Variants in SH3BP5 observed in about 807,000 individuals in gnomAD.
The protein encoded by SH3BP5 is SH3 domain binding protein 5, also known as SH3 domain-binding protein 5.
A neutral mutation model predicts 43.3 loss-of-function variants in SH3BP5; 22 were observed. The observed-to-expected ratio is 0.51, with a 90% CI of 0.36 to 0.73. The LOEUF (loss-of-function observed/expected upper bound fraction) is 0.73, where lower values mean the gene tolerates loss of function less well. Ranked by LOEUF, SH3BP5 falls within the 30% of genes least tolerant of loss-of-function variation. SH3BP5 has a pLI of 0.00. For missense variants in SH3BP5, 529 were observed against 586.9 expected, an observed-to-expected ratio of 0.90 and a Z score of 1.02; for synonymous variants, 255 against 225.8, an observed-to-expected ratio of 1.13 and a Z score of -1.16.
intron 2 of SH3BP5, 80 bp from the exon 3 acceptor site, chr3:15,304,311 C>T (rs1156483158): frequency 2.5e-6 from 4 of 1,607,816 alleles, no homozygotes; most frequent in Non-Finnish European, 3.4e-6. Flanking sequence ...TAGACAGAAA[C>T]ATCAACAAAG....
chr3:15,317,423 G>C (rs1189269941), intron 2 of SH3BP5, among the ~76,000 whole-genome samples: 2 of 152,124 alleles, frequency 1.3e-5, no homozygotes, highest in Non-Finnish European at 2.9e-5. Context: ...GGAGAGCACA[G>C]GATGCAAAAG....
rs10522979 is a variant in SH3BP5, at chr3:15,294,290, A to AGTGT, written c.330+9809_330+9812dup. Among the ~76,000 whole-genome samples, 1,190 of 138,178 alleles carry AGTGT rather than the reference A, an allele frequency of 8.6e-3. 24 individuals are homozygous for AGTGT. Among genetic ancestry groups the AGTGT allele is most frequent in the East Asian group, 0.038 (175 of 4,550 alleles). The allele number at this position is 138,178 out of a possible 152,430, so 90.7% of individuals were successfully genotyped here. On this transcript the variant is annotated intron_variant, in intron 3 of 8. Coordinates refer to ENST00000383791, the MANE Select transcript of SH3BP5 (RefSeq NM_004844.5). ...CCCAGTTTCTTCTTCTGCAAAAGTA[A>AGTGT]GTGTGTGTGTGTGTGTGTGTGTGTG...
intron 2 of SH3BP5, among the ~76,000 whole-genome samples, chr3:15,307,144 C>G (rs547212601): frequency 6.6e-6 from 1 of 152,180 alleles, no homozygotes; most frequent in African/African-American, 2.4e-5. Context: ...GGGAGCACCT[C>G]AGCTCCCGAG....
rs1376629389 is a variant in SH3BP5, at chr3:15,254,425, G to C, written c.*1661C>G. 1 of 152,128 alleles carries C rather than the reference G, an allele frequency of 6.6e-6. No individual in the cohort carries two copies. The highest frequency in any genetic ancestry group is 2.4e-5 in the African/African-American group (1 of 41,418). 9.4% of individuals were successfully genotyped at this position (152,128 alleles called of 1,614,324 possible). On this transcript the variant is annotated 3_prime_UTR_variant, in exon 9 of 9. Transcript: ENST00000383791. ...AATATTATAAAACATTTCCACAAAA[G>C]AAAGAATCCATCTGATTCTCAACTC...
chr3:15,331,976 T>C (rs1698621635), intron 1 of SH3BP5: 10 of 340,986 alleles, frequency 2.9e-5, no homozygotes, highest in Admixed American at 5.1e-5. Flanking sequence ...CGCCCCCTTT[T>C]TCCCTTTGTT....
intron 3 of SH3BP5, among the ~76,000 whole-genome samples, chr3:15,277,852 A>C (rs1457665929): frequency 6.6e-6 from 1 of 152,166 alleles, no homozygotes; most frequent in Non-Finnish European, 1.5e-5. Context: ...GGAGCAAAAG[A>C]AGCTTCCAGA....
At chr3:15,279,272 T>C (rs1697055777) in intron 3 of SH3BP5, among the ~76,000 whole-genome samples, 1 of 152,184 alleles carries the variant, frequency 6.6e-6, no homozygotes, top group African/African-American at 2.4e-5. Context: ...TCTGAGCCAT[T>C]ATCAGTTTAA....
chr3:15,293,349 C>G (rs960009470), intron 3 of SH3BP5, among the ~76,000 whole-genome samples: 1 of 152,254 alleles, frequency 6.6e-6, no homozygotes, highest in Non-Finnish European at 1.5e-5. Context: ...GTGGCAAGAA[C>G]TGCCCCCAGG....
chr3:15,297,667 T>G (rs1697613932), intron 3 of SH3BP5, among the ~76,000 whole-genome samples: 1 of 152,110 alleles, frequency 6.6e-6, no homozygotes, highest in Non-Finnish European at 1.5e-5. Context: ...GGCTCACCCT[T>G]TTTGTTGCTG....
intron 2 of SH3BP5, among the ~76,000 whole-genome samples, chr3:15,320,093 G>A (rs1698283097): frequency 6.6e-6 from 1 of 152,118 alleles, no homozygotes; most frequent in Non-Finnish European, 1.5e-5. Context: ...GCAAAATGAA[G>A]CTGAATCCCT....
rs62242101 is a variant in SH3BP5 at position 15,318,305 on chromosome 3, A to G, written c.201+12199T>C. Among the ~76,000 whole-genome samples the G allele has an allele frequency of 3.9e-5, 6 of 152,290 alleles. No homozygotes were observed. The East Asian group carries it at 1.2e-3, about 29-fold the overall frequency. ...ATATATGCCAGGTACCATGCCAGACACTTAACGAACATCACCATATTTAAC... is the reference window on the plus strand; with the variant it reads ...ATATATGCCAGGTACCATGCCAGACGCTTAACGAACATCACCATATTTAAC... On this transcript the variant is annotated intron_variant, in intron 2 of 8. Coordinates refer to ENST00000383791, the MANE Select transcript of SH3BP5 (RefSeq NM_004844.5).
At chr3:15,298,312 TA>T (rs1320130397) in intron 3 of SH3BP5, among the ~76,000 whole-genome samples, 1 of 152,092 alleles carries the variant, frequency 6.6e-6, no homozygotes, top group Non-Finnish European at 1.5e-5. Context: ...AGAGATTAGG[TA>T]ACCTGCCAAA....
rs1031149681 is a variant in SH3BP5 at position 15,309,911 on chromosome 3, C to G, written c.202-5680G>C. On this transcript the variant is annotated intron_variant, in intron 2 of 8. Transcript: ENST00000383791. The stretch of plus-strand genomic sequence containing the variant: ...AAGCCAGTCTTCCCCGCTCCACCCC[C>G]CCCCCATAAGAAAAAGCCCACCCAG... 5.1e-4 allele frequency among the ~76,000 whole-genome samples: 78 copies of G among 151,462 alleles called. 1 individual carries two copies. Among genetic ancestry groups the G allele is most frequent in the Middle Eastern group, 3.4e-3 (1 of 294 alleles).
At chr3:15,313,678 G>C (rs926219322) in intron 2 of SH3BP5, among the ~76,000 whole-genome samples, 1 of 152,220 alleles carries the variant, frequency 6.6e-6, no homozygotes, top group Non-Finnish European at 1.5e-5. Context: ...GTGCTCTCCA[G>C]TGCTGGCTGA....
At chr3:15,335,293 G>A (rs956732326), upstream of SH3BP5, among the ~76,000 whole-genome samples, 1 of 151,996 alleles carries the variant, frequency 6.6e-6, no homozygotes, top group African/African-American at 2.4e-5. Context: ...CAGAAGAATC[G>A]CTTGAACCCA....
intron 4 of SH3BP5, 123 bp downstream of exon 4, chr3:15,269,590 C>G: frequency 9.5e-7 from 1 of 1,051,842 alleles, no homozygotes; most frequent in Admixed American, 2.7e-5. Flanking sequence ...GAGATGACAA[C>G]CTGTGATTTT....
intron 3 of SH3BP5, among the ~76,000 whole-genome samples, chr3:15,284,704 G>T (rs1425237484): frequency 6.6e-6 from 1 of 152,168 alleles, no homozygotes; most frequent in Non-Finnish European, 1.5e-5. Context: ...AGTCCCAGGG[G>T]ATGCCATTTA....
chr3:15,294,733 C>T lies in SH3BP5; in HGVS notation c.330+9370G>A, dbSNP rs113439491. Among the ~76,000 whole-genome samples, 1,155 of 152,220 alleles carry T rather than the reference C, an allele frequency of 7.6e-3. 16 individuals carry two copies. Among genetic ancestry groups the T allele is most frequent in the African/African-American group, 0.026 (1,096 of 41,518 alleles). On this transcript the variant is annotated intron_variant, in intron 3 of 8. Transcript: ENST00000383791. The stretch of plus-strand genomic sequence containing the variant: ...CAAAAAATGGCAAAAAATGGAGCTG[C>T]CATTAATGTAAGGACATCAATTTCT...
chr3:15,332,941 A>G, upstream of SH3BP5: 1 of 415,388 alleles, frequency 2.4e-6, no homozygotes, highest in Non-Finnish European at 3.2e-6. Flanking sequence ...CAGGACCAAG[A>G]CTTGCCGAAA....
Sources: allele counts gnomAD v4.1 joint callset (sites outside exome capture counted in the v4.1 genomes callset), GRCh38; gene constraint gnomAD v4.1.1; transcripts MANE v1.5; gene names NCBI Gene and HGNC (gene_info 2026-07-23, HGNC 2026-07-21).